Variants in CLCA4 observed in about 807,000 individuals in gnomAD.
CLCA4 encodes chloride channel accessory 4, also known as calcium-activated chloride channel regulator 4.
CLCA4 carries 69 observed loss-of-function variants against 78.9 expected under a neutral mutation model. The ratio of observed to expected loss-of-function variants is 0.87; its 90% CI spans 0.72 to 1.07. The LOEUF (loss-of-function observed/expected upper bound fraction) is 1.07. Ranked by LOEUF, CLCA4 falls within the 50% of genes least tolerant of loss-of-function variation. The probability of loss-of-function intolerance (pLI) is 0.00; values close to 1 mark genes in which losing one functional copy is unlikely to be tolerated. For synonymous variants in CLCA4, 362 were observed against 375.8 expected (o/e 0.96, Z 0.42); for missense variants, 1,133 against 1,095.8 (o/e 1.03, Z -0.48).
intron 6 of CLCA4, among the ~76,000 whole-genome samples, chr1:86,566,449 A>G (rs1162756471): frequency 1.3e-5 from 2 of 152,126 alleles, no homozygotes; most frequent in African/African-American, 4.8e-5. Context: ...CATAGGAGTA[A>G]TCAATAAATA....
intron 3 of CLCA4, among the ~76,000 whole-genome samples, chr1:86,562,660 C>T (rs1482845485): frequency 6.6e-6 from 1 of 151,994 alleles, no homozygotes; most frequent in Non-Finnish European, 1.5e-5. Flanking sequence ...CGACACCAGC[C>T]TGGCCAACGT....
intron 7 of CLCA4, among the ~76,000 whole-genome samples, chr1:86,569,199 T>A (rs993123602): frequency 6.6e-6 from 1 of 151,996 alleles, no homozygotes; most frequent in African/African-American, 2.4e-5. Context: ...AGAACTACTT[T>A]GGGTAGAGAG....
chr1:86,579,829 G>A (rs1257849744), intron 13 of CLCA4, 113 bp from the exon 14 acceptor site: 2 of 807,618 alleles, frequency 2.5e-6, no homozygotes, highest in Admixed American at 2.9e-5. Flanking sequence ...TAAAAAATGA[G>A]TAAGGCTTTT....
At chr1:86,565,640 T>C (rs552835839) in intron 5 of CLCA4, among the ~76,000 whole-genome samples, 162 bp from the exon 6 acceptor site, 22 of 152,252 alleles carry the variant, frequency 1.4e-4, no homozygotes, top group Admixed American at 1.1e-3. Context: ...CCATAATTCT[T>C]ATTATGGTAA....
chr1:86,555,526 T>C (rs1649812669), intron 1 of CLCA4, among the ~76,000 whole-genome samples: 1 of 152,188 alleles, frequency 6.6e-6, no homozygotes, highest in African/African-American at 2.4e-5. Context: ...GCAGCCTTAT[T>C]TCTGGGCTCT....
rs1025001751 is a variant in CLCA4, at chr1:86,552,632, A to C, written c.159+5354A>C. On this transcript the variant is annotated intron_variant, in intron 1 of 13. Coordinates refer to ENST00000370563, the MANE Select transcript of CLCA4 (RefSeq NM_012128.4). Reference sequence around the variant, plus strand: ...CAGGGCTCTGGTTCAGGTCTCCACCAGGATCTCCACCATGTGGTCCAGCTC... The same window carrying C: ...CAGGGCTCTGGTTCAGGTCTCCACCCGGATCTCCACCATGTGGTCCAGCTC... The C allele has an allele frequency of 1.4e-4, 100 of 713,812 alleles. No homozygotes were observed. The Admixed American group carries it at 2.2e-3, about 16-fold the overall frequency. The allele number at this position is 713,812 out of a possible 1,614,324, so 44.2% of individuals were successfully genotyped here. A position where few individuals can be genotyped will look rare whatever the true frequency, so the allele number is the denominator to read the frequency against.
chr1:86,549,287 T>G (rs1649589523), intron 1 of CLCA4, among the ~76,000 whole-genome samples: 1 of 151,970 alleles, frequency 6.6e-6, no homozygotes, highest in African/African-American at 2.4e-5. Context: ...AAAAACAGCA[T>G]GGAGGTGAGA....
intron 1 of CLCA4, among the ~76,000 whole-genome samples, chr1:86,558,783 C>G (rs894699429): frequency 6.6e-6 from 1 of 152,220 alleles, no homozygotes; most frequent in Non-Finnish European, 1.5e-5. Flanking sequence ...ATTATCTCCA[C>G]CTGGTCCCTT....
At chr1:86,578,771 A>G (rs1210659686) in intron 12 of CLCA4, among the ~76,000 whole-genome samples, 1 of 152,104 alleles carries the variant, frequency 6.6e-6, no homozygotes, top group East Asian at 1.9e-4. Flanking sequence ...TGCAGAATTT[A>G]TCTTTCAGAT....
At chr1:86,563,822 T>C in intron 4 of CLCA4, 53 bp downstream of exon 4, 1 of 963,096 alleles carries the variant, frequency 1.0e-6, no homozygotes, top group Non-Finnish European at 1.6e-6. Flanking sequence ...CCATTCTTAT[T>C]TTCCTACTTT....
chr1:86,570,536 T>G (rs923710399), intron 7 of CLCA4, among the ~76,000 whole-genome samples: 2 of 152,064 alleles, frequency 1.3e-5, no homozygotes, highest in Non-Finnish European at 2.9e-5. Flanking sequence ...TAAATGAAAG[T>G]TGCATAACAA....
intron 11 of CLCA4, 130 bp downstream of exon 11, chr1:86,575,729 C>A (rs1429682592): frequency 1.2e-6 from 1 of 846,700 alleles, no homozygotes; most frequent in Non-Finnish European, 1.9e-6. Flanking sequence ...GCAGGAACAG[C>A]AGGAAATTTT....
chr1:86,552,544 AG>A, intron 1 of CLCA4: 3 of 516,958 alleles, frequency 5.8e-6, no homozygotes, highest in Non-Finnish European at 1.0e-5. Context: ...AGCGGGCGGC[AG>A]GCGCACCCTC....
intron 9 of CLCA4, 65 bp downstream of exon 9, chr1:86,572,785 T>C (rs771744576): frequency 1.2e-5 from 11 of 939,500 alleles, no homozygotes; most frequent in Admixed American, 3.4e-5. Flanking sequence ...CATTTGGTGG[T>C]TATAAGTTTT....
At chr1:86,557,028 G>T (rs1219615560) in intron 1 of CLCA4, among the ~76,000 whole-genome samples, 1 of 151,938 alleles carries the variant, frequency 6.6e-6, no homozygotes, top group Non-Finnish European at 1.5e-5. Context: ...TTTCTGAGGG[G>T]TCAGCATTAA....
At chr1:86,568,483 T>A (rs905203524) in intron 7 of CLCA4, among the ~76,000 whole-genome samples, 6 of 151,556 alleles carry the variant, frequency 4.0e-5, no homozygotes, top group African/African-American at 1.5e-4. Context: ...ACAATTAATA[T>A]AAATTATGTC....
intron 6 of CLCA4, 116 bp from the exon 7 acceptor site, chr1:86,567,308 A>G: frequency 1.1e-6 from 1 of 881,742 alleles, no homozygotes; most frequent in Non-Finnish European, 1.7e-6. Context: ...CTTTAACAAC[A>G]TCAATTACCA....
chr1:86,547,415 G>C, intron 1 of CLCA4, 137 bp downstream of exon 1: 1 of 614,446 alleles, frequency 1.6e-6, no homozygotes, highest in Admixed American at 4.0e-5. Context: ...ATCAAATCAG[G>C]GTAATTAGCA....
chr1:86,565,822 A>G lies in CLCA4; in HGVS notation c.756A>G (p.Glu252=), dbSNP rs1650171715. 1.3e-6 allele frequency: 2 copies of G among 1,535,364 alleles called. No individual in the cohort carries two copies. The highest frequency in any genetic ancestry group is 2.8e-5 in the African/African-American group (2 of 71,834). Residue 252 remains glutamate, a synonymous_variant, in exon 6 of 14, where the codon GAA becomes GAG. Coordinates refer to ENST00000370563, the MANE Select transcript of CLCA4 (RefSeq NM_012128.4). The stretch of plus-strand genomic sequence containing the variant: ...TTTAGGTTGTTGAATTTTGTAACGA[A>G]AAAACCCATAATCAAGAAGCTCCAA... The part of the protein sequence containing the change: ...SIDSVVEFCN[E]KTHNQEAPSL...
Sources: allele counts gnomAD v4.1 joint callset (sites outside exome capture counted in the v4.1 genomes callset), GRCh38; gene constraint gnomAD v4.1.1; transcripts MANE v1.5; gene names NCBI Gene and HGNC (gene_info 2026-07-23, HGNC 2026-07-21).